Variants in PTPRT observed in about 807,000 individuals in gnomAD.
PTPRT encodes the protein receptor-type tyrosine-protein phosphatase T.
PTPRT carries 56 observed loss-of-function variants against 176.8 expected under a neutral mutation model. That is an observed-to-expected ratio of 0.32 (90% CI 0.26 to 0.40). The LOEUF is 0.40. Ranked by LOEUF, PTPRT falls within the 10% of genes least tolerant of loss-of-function variation. The pLI is 1.00. For synonymous variants in PTPRT, 783 were observed against 739.0 expected (o/e 1.06, Z -0.96); for missense variants, 1,540 against 1,908.2 (o/e 0.81, Z 3.60).
At chr20:42,126,401 AT>A (rs1381438465) in intron 19 of PTPRT, among the ~76,000 whole-genome samples, 2 of 152,142 alleles carry the variant, frequency 1.3e-5, no homozygotes, top group East Asian at 3.9e-4. Context: ...AAGTTATATA[AT>A]CTTAAGAGAC....
At chr20:42,165,603 C>T (rs889268232) in intron 16 of PTPRT, among the ~76,000 whole-genome samples, 3 of 152,234 alleles carry the variant, frequency 2.0e-5, no homozygotes, top group African/African-American at 7.2e-5. Flanking sequence ...AAGTGTTCTA[C>T]ATCTATGCTC....
intron 1 of PTPRT, among the ~76,000 whole-genome samples, chr20:43,038,375 C>A (rs949529827): frequency 7.2e-5 from 11 of 152,240 alleles, no homozygotes; most frequent in African/African-American, 2.6e-4. Flanking sequence ...TTTAGTCATA[C>A]AATTTGTAAA....
At chr20:42,874,738 C>G (rs540750278) in intron 2 of PTPRT, among the ~76,000 whole-genome samples, 2 of 152,266 alleles carry the variant, frequency 1.3e-5, no homozygotes, top group African/African-American at 4.8e-5. Flanking sequence ...TAACATCCAG[C>G]TCACAGTGTT....
intron 1 of PTPRT, among the ~76,000 whole-genome samples, chr20:43,076,924 A>G (rs960310348): frequency 2.0e-5 from 3 of 152,192 alleles, no homozygotes; most frequent in Admixed American, 6.5e-5. Flanking sequence ...CCAGCTCCCA[A>G]TGGGACTTCT....
chr20:42,406,322 A>G (rs2058960542), intron 9 of PTPRT, among the ~76,000 whole-genome samples: 1 of 152,038 alleles, frequency 6.6e-6, no homozygotes, highest in Admixed American at 6.6e-5. Context: ...AGAGAGTATA[A>G]CATATTAAAA....
At chr20:42,411,912 A>G (rs1317570447) in intron 9 of PTPRT, among the ~76,000 whole-genome samples, 1 of 152,174 alleles carries the variant, frequency 6.6e-6, no homozygotes, top group East Asian at 1.9e-4. Context: ...ACAGATATCC[A>G]TATGTAAGAA....
intron 7 of PTPRT, among the ~76,000 whole-genome samples, chr20:42,669,290 G>T (rs984902931): frequency 6.6e-6 from 1 of 152,072 alleles, no homozygotes; most frequent in Non-Finnish European, 1.5e-5. Context: ...CTTCGAGCAT[G>T]GTGTGGCATG....
chr20:42,527,064 C>G (rs545022722), intron 7 of PTPRT, among the ~76,000 whole-genome samples: 1 of 148,596 alleles, frequency 6.7e-6, no homozygotes, highest in Non-Finnish European at 1.5e-5. Context: ...CCCGGGTTCA[C>G]GCCATTCTCC....
intron 23 of PTPRT, among the ~76,000 whole-genome samples, chr20:42,110,091 G>C (rs1459701839): frequency 5.4e-5 from 8 of 147,750 alleles, no homozygotes; most frequent in Non-Finnish European, 1.0e-4. Flanking sequence ...CTGTCACCCA[G>C]GCTGGAGTGC....
At chr20:42,536,621 C>G (rs1006303612) in intron 7 of PTPRT, among the ~76,000 whole-genome samples, 2 of 152,152 alleles carry the variant, frequency 1.3e-5, no homozygotes, top group African/African-American at 4.8e-5. Context: ...TAACAGTTTA[C>G]TCATTGGATT....
chr20:42,503,757 A>T (rs2071796682), intron 7 of PTPRT, among the ~76,000 whole-genome samples: 1 of 152,112 alleles, frequency 6.6e-6, no homozygotes, highest in Non-Finnish European at 1.5e-5. Context: ...AATTACAGAG[A>T]TGTATCTGGT....
Position 43,189,620 on chromosome 20 carries a change from C to T in PTPRT, c.88+26G>A. On this transcript the variant is annotated intron_variant, in intron 1 of 30. Coordinates refer to ENST00000373187, the MANE Select transcript of PTPRT (RefSeq NM_007050.6). This position sits in a 1 kb window ranked among gnomAD's most constrained non-coding sequence, Gnocchi z 5.0. ...CGCATCCAGGAGGGAGCGGGGAGCC[C>T]AGGGGAGCCGGGCGGGCGCACTCAC... is the stretch of plus-strand genomic sequence containing the variant. The T allele has an allele frequency of 8.1e-7, 1 of 1,239,584 alleles. No individual in the cohort carries two copies. The allele number at this position is 1,239,584 out of a possible 1,614,324, so 76.8% of individuals were successfully genotyped here. A position where few individuals can be genotyped will look rare whatever the true frequency, so the allele number is the denominator to read the frequency against.
chr20:43,026,015 A>C (rs1985894269), intron 1 of PTPRT, among the ~76,000 whole-genome samples: 1 of 152,140 alleles, frequency 6.6e-6, no homozygotes, highest in African/African-American at 2.4e-5. Flanking sequence ...TGTCCTGCCT[A>C]ACTGTTCTGG....
chr20:42,644,814 C>T (rs886469545), intron 7 of PTPRT, among the ~76,000 whole-genome samples: 1 of 152,186 alleles, frequency 6.6e-6, no homozygotes, highest in Non-Finnish European at 1.5e-5. Flanking sequence ...TTAATCACAA[C>T]ACTTAGTCCT....
chr20:42,172,037 C>T (rs1990099466), intron 16 of PTPRT, among the ~76,000 whole-genome samples: 1 of 151,768 alleles, frequency 6.6e-6, no homozygotes, highest in Non-Finnish European at 1.5e-5. Context: ...AATAATAAAA[C>T]AATCAAAGAG....
At chr20:42,352,644 T>TA (rs1322448635) in intron 9 of PTPRT, among the ~76,000 whole-genome samples, 2 of 152,170 alleles carry the variant, frequency 1.3e-5, no homozygotes, top group Admixed American at 6.5e-5. Context: ...AATAAGATCT[T>TA]ACATTTGCTA....
chr20:42,074,499 T>C lies in PTPRT; in HGVS notation c.*6380A>G, dbSNP rs1056945373. The C allele has an allele frequency of 3.0e-6, 1 of 336,658 alleles. No homozygotes were observed. The highest frequency in any genetic ancestry group is 5.3e-6 in the Non-Finnish European group (1 of 186,972). 20.9% of individuals were successfully genotyped at this position (336,658 alleles called of 1,614,324 possible). A position where few individuals can be genotyped will look rare whatever the true frequency, so the allele number is the denominator to read the frequency against. ...GACACTCATTCTCCGAACATTCCAA[T>C]TAAGGATCAGAGTCCACATCTCACC... On this transcript the variant is annotated 3_prime_UTR_variant, in exon 31 of 31. Coordinates refer to ENST00000373187, the MANE Select transcript of PTPRT (RefSeq NM_007050.6).
At chr20:42,744,858 C>G (rs2076668915) in intron 6 of PTPRT, among the ~76,000 whole-genome samples, 1 of 152,218 alleles carries the variant, frequency 6.6e-6, no homozygotes, top group Admixed American at 6.5e-5. Context: ...CAGTTCTGCT[C>G]ACATTCCTTA....
Position 42,572,923 on chromosome 20 carries a change from T to G in PTPRT, c.1154-100361A>C, listed in dbSNP as rs1223498141. 9.0e-5 allele frequency among the ~76,000 whole-genome samples: 9 copies of G among 99,820 alleles called. No homozygotes were observed. The South Asian group carries it at 1.4e-3, about 15-fold the overall frequency. 65.5% of individuals were successfully genotyped at this position (99,820 alleles called of 152,430 possible). ...CTCTAACACTAGAGATAAGTTTTTG[T>G]TTTTTTTTTTTTTTAACATCTAAAC... On this transcript the variant is annotated intron_variant, in intron 7 of 30. Transcript: ENST00000373187.
Sources: gnomAD v4.1 joint callset for allele counts (sites outside exome capture counted in the v4.1 genomes callset) on GRCh38, gnomAD v4.1.1 for gene constraint, Gnocchi (gnomAD v3.1) non-coding constraint, MANE v1.5 for transcripts, NCBI Gene and HGNC (gene_info 2026-07-23, HGNC 2026-07-21) for gene names.